DDR2: variants seen among roughly 807,000 people sequenced by gnomAD.
DDR2 encodes discoidin domain-containing receptor 2.
Under a neutral mutation model 94.9 loss-of-function variants are expected in DDR2, and 27 were observed. That is an observed-to-expected ratio of 0.28 (90% CI 0.21 to 0.39). DDR2 has a LOEUF of 0.39. Among genes scored for constraint, DDR2 ranks in the 10% least tolerant of loss-of-function variants. The pLI is 1.00. For missense variants in DDR2, 783 were observed against 1,076.0 expected, an observed-to-expected ratio of 0.73 and a Z score of 3.81; for synonymous variants, 382 against 377.2, an observed-to-expected ratio of 1.01 and a Z score of -0.15.
chr1:162,748,930 A>G (rs1160225168), intron 3 of DDR2, among the ~76,000 whole-genome samples: 1 of 152,208 alleles, frequency 6.6e-6, no homozygotes, highest in Admixed American at 6.5e-5. Flanking sequence ...AAATGAAGGC[A>G]GAAATAAAGA....
chr1:162,658,935 A>C (rs1330512492), intron 2 of DDR2, among the ~76,000 whole-genome samples: 1 of 152,336 alleles, frequency 6.6e-6, no homozygotes, highest in Non-Finnish European at 1.5e-5. Context: ...AAACATTCTG[A>C]AAAGCATAAG....
intron 1 of DDR2, among the ~76,000 whole-genome samples, chr1:162,654,855 T>C (rs1300212395): frequency 6.6e-6 from 1 of 152,182 alleles, no homozygotes; most frequent in Admixed American, 6.5e-5. Flanking sequence ...ATTTAAGAGA[T>C]TTTAAAAAAT....
intron 3 of DDR2, among the ~76,000 whole-genome samples, chr1:162,749,035 T>A (rs1663037227): frequency 1.3e-5 from 2 of 152,210 alleles, no homozygotes; most frequent in South Asian, 2.1e-4. Context: ...TAGCACTAAA[T>A]GCCCACAAGA....
At chr1:162,694,155 C>T (rs1267059408) in intron 2 of DDR2, among the ~76,000 whole-genome samples, 1 of 152,170 alleles carries the variant, frequency 6.6e-6, no homozygotes, top group Non-Finnish European at 1.5e-5. Context: ...AGTTTCTTAA[C>T]TCTGCCTTCC....
chr1:162,707,297 C>A (rs796106061), intron 2 of DDR2, among the ~76,000 whole-genome samples: 11 of 152,320 alleles, frequency 7.2e-5, no homozygotes, highest in African/African-American at 2.6e-4. Context: ...CCTTCTAAGT[C>A]CCTATGAGGT....
chr1:162,749,571 A>T (rs1238060144), intron 3 of DDR2, among the ~76,000 whole-genome samples: 3 of 152,228 alleles, frequency 2.0e-5, no homozygotes. Flanking sequence ...GAATTCTACC[A>T]GAGGTACAAA....
chr1:162,761,057 G>C (rs1663713612), intron 8 of DDR2, among the ~76,000 whole-genome samples, 154 bp from the exon 9 acceptor site: 1 of 152,056 alleles, frequency 6.6e-6, no homozygotes, highest in South Asian at 2.1e-4. Flanking sequence ...GCTCTGAAAT[G>C]TACCTAGGAG....
chr1:162,751,572 T>A (rs1255507493), intron 3 of DDR2, among the ~76,000 whole-genome samples: 1 of 152,198 alleles, frequency 6.6e-6, no homozygotes, highest in Non-Finnish European at 1.5e-5. Flanking sequence ...GTTAAACCAT[T>A]GTGGAAGACA....
At chr1:162,664,072 G>T (rs930173629) in intron 2 of DDR2, among the ~76,000 whole-genome samples, 1 of 152,130 alleles carries the variant, frequency 6.6e-6, no homozygotes, top group African/African-American at 2.4e-5. Context: ...CTGATCAGAA[G>T]ATAGGAGAAA....
At chr1:162,770,238 G>T in intron 11 of DDR2, 64 bp from the exon 12 acceptor site, 1 of 1,491,384 alleles carries the variant, frequency 6.7e-7, no homozygotes, top group Non-Finnish European at 9.3e-7. Flanking sequence ...CTGAGTTTAA[G>T]AAGAGGAGGC....
intron 2 of DDR2, among the ~76,000 whole-genome samples, chr1:162,666,266 G>T (rs1051046006): frequency 2.0e-5 from 3 of 152,100 alleles, no homozygotes; most frequent in Non-Finnish European, 4.4e-5. Context: ...TTTATTAGCA[G>T]CACAAAAGAT....
intron 2 of DDR2, among the ~76,000 whole-genome samples, chr1:162,670,684 T>C (rs1022145216): frequency 6.6e-6 from 1 of 152,120 alleles, no homozygotes; most frequent in Non-Finnish European, 1.5e-5. Context: ...ATACTTTGGA[T>C]ACGATTGACT....
At position 162,786,720 on chromosome 1, in the gene DDR2, C is replaced by A. The variant is rs1648165140; in HGVS notation, c.*6474C>A. ...GACACCTGTTTGTGGGGCTTTCCAG[C>A]AAAGGATTATTTAAATAGACCTCTA... On this transcript the variant is annotated 3_prime_UTR_variant, in exon 18 of 18. Coordinates refer to ENST00000367921, the MANE Select transcript of DDR2 (RefSeq NM_006182.4). 6.6e-6 allele frequency: 1 copy of A among 152,184 alleles called. No homozygotes were observed. The highest frequency in any genetic ancestry group is 2.4e-5 in the African/African-American group (1 of 41,434). The allele number at this position is 152,184 out of a possible 1,614,324, so 9.4% of individuals were successfully genotyped here.
At chr1:162,669,049 T>G (rs1658712423) in intron 2 of DDR2, among the ~76,000 whole-genome samples, 1 of 152,206 alleles carries the variant, frequency 6.6e-6, no homozygotes, top group African/African-American at 2.4e-5. Context: ...CTTTAGTTCC[T>G]TTGGGGCGCA....
chr1:162,698,137 A>G (rs1660269662), intron 2 of DDR2, among the ~76,000 whole-genome samples: 2 of 152,226 alleles, frequency 1.3e-5, no homozygotes, highest in Non-Finnish European at 2.9e-5. Flanking sequence ...CACTTTGCTG[A>G]ATGAAATTGA....
intron 1 of DDR2, among the ~76,000 whole-genome samples, chr1:162,645,608 T>A (rs1657368602): frequency 6.6e-6 from 1 of 152,212 alleles, no homozygotes; most frequent in South Asian, 2.1e-4. Context: ...CTGGTCTATG[T>A]TTAAATCTGT....
At chr1:162,635,639 T>C (rs933375712) in intron 1 of DDR2, among the ~76,000 whole-genome samples, 5 of 152,216 alleles carry the variant, frequency 3.3e-5, no homozygotes, top group African/African-American at 1.2e-4. Flanking sequence ...GACTAGTCAG[T>C]CCAGAAATGT....
At chr1:162,758,955 C>T (rs1663586492) in intron 7 of DDR2, among the ~76,000 whole-genome samples, 1 of 152,152 alleles carries the variant, frequency 6.6e-6, no homozygotes, top group South Asian at 2.1e-4. Context: ...TCTTCGTGTT[C>T]TCTAAGTAGT....
At chr1:162,715,231 C>T (rs999386501) in intron 2 of DDR2, among the ~76,000 whole-genome samples, 12 of 151,828 alleles carry the variant, frequency 7.9e-5, no homozygotes, top group Non-Finnish European at 1.5e-4. Context: ...ACTACAACAA[C>T]GAATAAAATG....
Sources: allele counts gnomAD v4.1 joint callset (sites outside exome capture counted in the v4.1 genomes callset), GRCh38; gene constraint gnomAD v4.1.1; transcripts MANE v1.5; gene names NCBI Gene and HGNC (gene_info 2026-07-23, HGNC 2026-07-21).